TIAM1: variants seen among roughly 807,000 people sequenced by gnomAD.
The protein encoded by TIAM1 is TIAM Rac1 associated GEF 1, also known as rho guanine nucleotide exchange factor TIAM1.
A neutral mutation model predicts 163.5 loss-of-function variants in TIAM1; 65 were observed. The observed-to-expected ratio is 0.40, with a 90% CI of 0.33 to 0.49. The LOEUF (loss-of-function observed/expected upper bound fraction) is 0.49. Ranked by LOEUF, TIAM1 falls within the 20% of genes least tolerant of loss-of-function variation. TIAM1 has a pLI of 0.77. For synonymous variants in TIAM1, 833 were observed against 810.1 expected (o/e 1.03, Z -0.48); for missense variants, 1,789 against 2,044.7 (o/e 0.87, Z 2.41).
At chr21:31,228,749 C>T (rs2088212686) in intron 6 of TIAM1, among the ~76,000 whole-genome samples, 1 of 152,162 alleles carries the variant, frequency 6.6e-6, no homozygotes, top group African/African-American at 2.4e-5. Context: ...ATGCTGCTAA[C>T]AAAGACATAT....
chr21:31,314,749 G>A (rs948390751), intron 2 of TIAM1, among the ~76,000 whole-genome samples: 4 of 152,198 alleles, frequency 2.6e-5, no homozygotes, highest in South Asian at 2.1e-4. Context: ...TTTTTAAAAC[G>A]TGCATGCTTG....
chr21:31,442,070 A>AATAAATATATAT (rs370046459), intron 2 of TIAM1, among the ~76,000 whole-genome samples: 2,333 of 53,296 alleles, frequency 0.044, 290 homozygotes, highest in Non-Finnish European at 0.064. Context: ...CAAATAAATA[A>AATAAATATATAT]ATATATATAT....
At chr21:31,136,637 G>T (rs2082632814) in intron 22 of TIAM1, among the ~76,000 whole-genome samples, 1 of 152,108 alleles carries the variant, frequency 6.6e-6, no homozygotes, top group South Asian at 2.1e-4. Context: ...TAGAATTTCA[G>T]AAAAGGATGG....
chr21:31,190,401 G>C (rs1443161481), intron 13 of TIAM1, among the ~76,000 whole-genome samples: 1 of 152,088 alleles, frequency 6.6e-6, no homozygotes, highest in Non-Finnish European at 1.5e-5. Flanking sequence ...GACAGAGTAA[G>C]ACCCTGTCTC....
At position 31,223,897 on chromosome 21, in the gene TIAM1, A is replaced by G. The variant is rs964514596; in HGVS notation, c.1810-306T>C. Among the ~76,000 whole-genome samples the G allele has an allele frequency of 3.3e-5, 5 of 152,310 alleles. No homozygotes were observed. The South Asian group carries it at 1.0e-3, about 32-fold the overall frequency. On this transcript the variant is annotated intron_variant, in intron 7 of 27. Transcript: ENST00000541036. Reference sequence around the variant, plus strand: ...CAAACTCTAGACTCCAGAAGTAAAAATGTAGAGATTTCCATCACCAAAGAA... The same window carrying G: ...CAAACTCTAGACTCCAGAAGTAAAAGTGTAGAGATTTCCATCACCAAAGAA...
intron 2 of TIAM1, among the ~76,000 whole-genome samples, chr21:31,282,455 G>A (rs561033983): frequency 1.5e-3 from 233 of 152,338 alleles, no homozygotes; most frequent in Non-Finnish European, 2.4e-3. Flanking sequence ...TGCCCTCCAC[G>A]GAGTGCAGAA....
At chr21:31,440,745 G>C (rs1391019930) in intron 2 of TIAM1, among the ~76,000 whole-genome samples, 32 of 152,168 alleles carry the variant, frequency 2.1e-4, no homozygotes, top group Non-Finnish European at 8.8e-5. Context: ...GCTGGGTGTG[G>C]TGGCGTGTGC....
chr21:31,266,084 G>A lies in TIAM1; in HGVS notation c.889C>T (p.Leu297Phe). Reference protein sequence around the residue: ...NTLPCRKSHCLSEGATNPQIS... With the variant: ...NTLPCRKSHCFSEGATNPQIS... ...TGTGGGTTGGTGGCACCTTCAGAGA[G>A]ACAGTGAGATTTCCTACAGGGAAGT... Residue 297 changes from leucine (L) to phenylalanine (F), a missense_variant, in exon 4 of 28, where the codon CTC (leucine) becomes TTC (phenylalanine). By Grantham distance (22) the Leu-to-Phe change is conservative. Around this residue, in one of 5 missense-constraint regions of TIAM1, gnomAD observed 555 missense variants for 564.9 expected, o/e 0.98. Transcript: ENST00000541036. 1 of 1,614,216 alleles carries A rather than the reference G, an allele frequency of 6.2e-7. No homozygotes were observed. Among genetic ancestry groups the A allele is most frequent in the Non-Finnish European group, 8.5e-7 (1 of 1,180,052 alleles).
At chr21:31,185,877 G>C (rs892180083) in intron 14 of TIAM1, among the ~76,000 whole-genome samples, 17 of 152,056 alleles carry the variant, frequency 1.1e-4, no homozygotes, top group African/African-American at 4.1e-4. Flanking sequence ...GCCACAGAAT[G>C]CCAAGTGCTG....
intron 2 of TIAM1, among the ~76,000 whole-genome samples, chr21:31,442,938 G>C (rs1186271569): frequency 6.6e-6 from 1 of 152,168 alleles, no homozygotes; most frequent in African/African-American, 2.4e-5. Flanking sequence ...AAGTCCCCAG[G>C]GACTGGTCAG....
At chr21:31,352,702 GATAA>G (rs1382281030) in intron 2 of TIAM1, among the ~76,000 whole-genome samples, 1 of 151,008 alleles carries the variant, frequency 6.6e-6, no homozygotes, top group African/African-American at 2.4e-5. Flanking sequence ...AAAATAAATA[GATAA>G]ATAAATAAAT....
intron 2 of TIAM1, among the ~76,000 whole-genome samples, chr21:31,325,489 A>C (rs763354963): frequency 3.9e-5 from 6 of 151,974 alleles, no homozygotes; most frequent in Non-Finnish European, 7.4e-5. Flanking sequence ...CCAACACGGC[A>C]AAACCCTGTC....
intron 2 of TIAM1, among the ~76,000 whole-genome samples, chr21:31,353,835 CTTTTTTTTTT>C (rs71193103): frequency 7.0e-5 from 5 of 71,234 alleles, no homozygotes; most frequent in African/African-American, 1.6e-4. Context: ...ATTTATTTAT[CTTTTTTTTTT>C]TTTTTTTTTT....
intron 1 of TIAM1, among the ~76,000 whole-genome samples, chr21:31,503,754 C>T (rs1174595610): frequency 6.6e-6 from 1 of 151,172 alleles, no homozygotes; most frequent in Non-Finnish European, 1.5e-5. Context: ...TCTTCATCAT[C>T]ACAGTAAAGT....
intron 2 of TIAM1, among the ~76,000 whole-genome samples, chr21:31,305,863 T>A (rs1022420118): frequency 9.2e-5 from 14 of 152,074 alleles, no homozygotes; most frequent in Admixed American, 3.9e-4. Context: ...ATACTTTTTT[T>A]AAAAACGTGG....
At chr21:31,422,865 T>A (rs971811118) in intron 2 of TIAM1, among the ~76,000 whole-genome samples, 3 of 152,122 alleles carry the variant, frequency 2.0e-5, no homozygotes, top group Admixed American at 6.5e-5. Flanking sequence ...CCGTAAAGAT[T>A]CCCTAGCATG....
intron 17 of TIAM1, 149 bp downstream of exon 17, chr21:31,154,098 A>G (rs149096458): frequency 1.1e-6 from 1 of 872,666 alleles, no homozygotes; most frequent in Non-Finnish European, 1.7e-6. Context: ...CAAGCTTTTA[A>G]CATTCAGAGT....
chr21:31,217,087 G>A (rs1172447366), intron 9 of TIAM1, among the ~76,000 whole-genome samples: 4 of 151,936 alleles, frequency 2.6e-5, no homozygotes, highest in African/African-American at 9.7e-5. Context: ...GGCACCTGTA[G>A]TCCCAGCTAC....
intron 2 of TIAM1, among the ~76,000 whole-genome samples, chr21:31,366,040 T>A (rs1602105693): frequency 7.8e-6 from 1 of 127,934 alleles, no homozygotes; most frequent in African/African-American, 3.1e-5. Flanking sequence ...TGAGCCGAGG[T>A]AGCTCCACTG....
Sources: allele counts gnomAD v4.1 joint callset (sites outside exome capture counted in the v4.1 genomes callset), GRCh38; gene constraint gnomAD v4.1.1; regional missense constraint gnomAD v4.1.1; transcripts MANE v1.5; gene names NCBI Gene and HGNC (gene_info 2026-07-23, HGNC 2026-07-21).